RIMS2: variants seen among roughly 807,000 people sequenced by gnomAD.
RIMS2 encodes regulating synaptic membrane exocytosis protein 2.
A neutral mutation model predicts 174.4 loss-of-function variants in RIMS2; 59 were observed. The observed-to-expected ratio is 0.34, with a 90% CI of 0.27 to 0.42. The LOEUF is 0.42. RIMS2 is among the 10% of genes least tolerant of loss of function. The probability of loss-of-function intolerance (pLI) is 1.00; values close to 1 mark genes in which losing one functional copy is unlikely to be tolerated. For missense variants in RIMS2, 1,620 were observed against 1,666.3 expected, an observed-to-expected ratio of 0.97 and a Z score of 0.48; for synonymous variants, 606 against 572.5, an observed-to-expected ratio of 1.06 and a Z score of -0.84.
intron 17 of RIMS2, among the ~76,000 whole-genome samples, chr8:103,994,050 CAA>C (rs536495624): frequency 0.011 from 975 of 88,274 alleles, 5 homozygotes; most frequent in African/African-American, 0.026. Flanking sequence ...GACCCTGTCT[CAA>C]AAAAAAAAAA....
chr8:103,649,921 T>C (rs2096417452), intron 1 of RIMS2, among the ~76,000 whole-genome samples: 1 of 152,206 alleles, frequency 6.6e-6, no homozygotes, highest in Non-Finnish European at 1.5e-5. Context: ...CCTACTTTTG[T>C]CACTTCAGCC....
At chr8:103,556,505 A>T (rs1850520906) in intron 1 of RIMS2, among the ~76,000 whole-genome samples, 1 of 152,188 alleles carries the variant, frequency 6.6e-6, no homozygotes, top group African/African-American at 2.4e-5. Context: ...GCAGTAACTG[A>T]AATTTAAATA....
At chr8:103,994,665 T>C (rs1316048391) in intron 17 of RIMS2, among the ~76,000 whole-genome samples, 3 of 152,138 alleles carry the variant, frequency 2.0e-5, no homozygotes, top group African/African-American at 4.8e-5. Flanking sequence ...TAGGTAGATT[T>C]TAGAGGGCTT....
intron 19 of RIMS2, among the ~76,000 whole-genome samples, chr8:104,061,134 T>C (rs1290121505): frequency 1.1e-4 from 16 of 152,178 alleles, no homozygotes; most frequent in Admixed American, 1.0e-3. Context: ...TTGTTAACTT[T>C]CTGTCTCGTT....
At chr8:104,231,425 C>T (rs1563900233) in intron 19 of RIMS2, among the ~76,000 whole-genome samples, 1 of 152,112 alleles carries the variant, frequency 6.6e-6, no homozygotes, top group Admixed American at 6.6e-5. Flanking sequence ...TCTTCTTGCT[C>T]TTTGTCTCCA....
chr8:103,910,499 C>A, intron 5 of RIMS2: 8 of 1,596,128 alleles, frequency 5.0e-6, no homozygotes, highest in Non-Finnish European at 6.8e-6. Context: ...GTAGCACAAC[C>A]CTTAACGAGG....
intron 19 of RIMS2, 72 bp from the exon 24 acceptor site, chr8:104,093,399 A>G: frequency 9.4e-7 from 1 of 1,059,346 alleles, no homozygotes; most frequent in South Asian, 1.9e-5. Flanking sequence ...GTGATGAAAT[A>G]GGAGAAAGCT....
chr8:103,753,070 T>C (rs1591661393), intron 2 of RIMS2, among the ~76,000 whole-genome samples: 2 of 152,134 alleles, frequency 1.3e-5, no homozygotes, highest in South Asian at 4.2e-4. Context: ...TGGCTGTGGG[T>C]TTGTCATAGA....
chr8:104,089,778 T>C (rs2097604119), intron 19 of RIMS2, among the ~76,000 whole-genome samples: 1 of 151,836 alleles, frequency 6.6e-6, no homozygotes, highest in Non-Finnish European at 1.5e-5. Context: ...AATGACCTTC[T>C]GCTTTAGGCA....
At chr8:103,971,488 A>G (rs2092868126) in intron 15 of RIMS2, among the ~76,000 whole-genome samples, 1 of 152,066 alleles carries the variant, frequency 6.6e-6, no homozygotes, top group Non-Finnish European at 1.5e-5. Flanking sequence ...TATTTGACCT[A>G]CGCAACTGAA....
chr8:104,174,265 C>T (rs2098855219), intron 19 of RIMS2, among the ~76,000 whole-genome samples: 1 of 152,046 alleles, frequency 6.6e-6, no homozygotes, highest in African/African-American at 2.4e-5. Flanking sequence ...TCATTTTAAC[C>T]ATTACTAAAG....
intron 4 of RIMS2, among the ~76,000 whole-genome samples, chr8:103,891,209 G>C (rs751390116): frequency 2.0e-5 from 3 of 152,096 alleles, no homozygotes; most frequent in African/African-American, 7.2e-5. Context: ...TCAAAGTCAA[G>C]TTCACAGAGT....
chr8:104,030,035 A>T (rs775784547), intron 19 of RIMS2, among the ~76,000 whole-genome samples: 1 of 152,168 alleles, frequency 6.6e-6, no homozygotes, highest in African/African-American at 2.4e-5. Flanking sequence ...ATGTTACAGT[A>T]TAGCATATTT....
Position 104,195,795 on chromosome 8 carries a change from G to A in RIMS2, c.3335-49121G>A, listed in dbSNP as rs187390206. Among the ~76,000 whole-genome samples the A allele has an allele frequency of 4.3e-4, 66 of 152,242 alleles. 3 individuals are homozygous for A. The East Asian group carries it at 0.011, about 25-fold the overall frequency. ...CCCAAAGTACTGGGATTACAGGCAT[G>A]AGCCACCGTGCCCCACCTTATCTCC... is the stretch of plus-strand genomic sequence containing the variant. On this transcript the variant is annotated intron_variant, in intron 19 of 23. Transcript: ENST00000504942.
chr8:104,029,343 C>T (rs954446563), intron 19 of RIMS2, among the ~76,000 whole-genome samples: 3 of 152,106 alleles, frequency 2.0e-5, no homozygotes, highest in African/African-American at 7.2e-5. Context: ...CTTATTTTAC[C>T]CAGCCCCTAT....
chr8:103,791,747 CA>C (rs892659299), intron 3 of RIMS2, among the ~76,000 whole-genome samples: 3 of 151,196 alleles, frequency 2.0e-5, no homozygotes, highest in African/African-American at 4.9e-5. Context: ...AAATGGAAAA[CA>C]AAAAAAGGTA....
intron 19 of RIMS2, among the ~76,000 whole-genome samples, chr8:104,070,078 T>G (rs576938676): frequency 2.4e-4 from 36 of 152,330 alleles, no homozygotes; most frequent in African/African-American, 8.2e-4. Context: ...ATTACATCCC[T>G]TCATAACCTC....
intron 3 of RIMS2, among the ~76,000 whole-genome samples, chr8:103,865,919 T>G (rs534794364): frequency 2.1e-4 from 32 of 152,288 alleles, no homozygotes; most frequent in Admixed American, 5.9e-4. Flanking sequence ...GCAATTGGAT[T>G]TAGTATCATT....
intron 2 of RIMS2, among the ~76,000 whole-genome samples, chr8:103,723,591 C>G (rs1259121154): frequency 1.3e-5 from 2 of 152,192 alleles, no homozygotes; most frequent in African/African-American, 4.8e-5. Flanking sequence ...GCATCATGGG[C>G]TGGCCTGGTA....
Sources: allele counts gnomAD v4.1 joint callset (sites outside exome capture counted in the v4.1 genomes callset), GRCh38; gene constraint gnomAD v4.1.1; transcripts MANE v1.5; gene names NCBI Gene and HGNC (gene_info 2026-07-23, HGNC 2026-07-21).